Variants in CGGBP1 observed in about 807,000 individuals in gnomAD.
CGGBP1 encodes CGG triplet repeat-binding protein 1.
A neutral mutation model predicts 11.4 loss-of-function variants in CGGBP1; 4 were observed. The observed-to-expected ratio is 0.35, with a 90% CI of 0.17 to 0.80. CGGBP1 has a LOEUF of 0.80. CGGBP1 is among the 30% of genes least tolerant of loss of function. The pLI is 0.52. For missense variants in CGGBP1, 135 were observed against 202.1 expected (o/e 0.67, Z 2.01); for synonymous variants, 76 against 74.1 (o/e 1.03, Z -0.13).
chr3:88,141,204 A>C (rs1162520400), intron 1 of CGGBP1: 14 of 805,780 alleles, frequency 1.7e-5, no homozygotes, highest in Non-Finnish European at 2.4e-5. Flanking sequence ...ACATACAACC[A>C]CTATGAGGTG....
chr3:88,094,182 A>G (rs937269525), intron 2 of CGGBP1, among the ~76,000 whole-genome samples: 3 of 150,012 alleles, frequency 2.0e-5, no homozygotes, highest in East Asian at 1.9e-4. Context: ...GTTCTTCCCT[A>G]TTACACTAGA....
At chr3:88,103,054 C>A (rs4276211) in intron 2 of CGGBP1, among the ~76,000 whole-genome samples, 118,975 of 151,856 alleles carry the variant, frequency 0.78, 47,514 homozygotes, top group South Asian at 0.91. Flanking sequence ...TTTAGCTCCC[C>A]CTTATAAGTG....
chr3:88,116,559 T>TACACACACACACAC (rs140401038), intron 2 of CGGBP1, among the ~76,000 whole-genome samples: 4,457 of 146,604 alleles, frequency 0.03, 175 homozygotes, highest in African/African-American at 0.096. Flanking sequence ...CATACATATA[T>TACACACACACACAC]ATACACACAC....
intron 2 of CGGBP1, among the ~76,000 whole-genome samples, chr3:88,064,789 C>G (rs1012685147): frequency 6.6e-6 from 1 of 152,102 alleles, no homozygotes; most frequent in African/African-American, 2.4e-5. Flanking sequence ...GTGGAGTTTT[C>G]AAGTAGGATC....
rs186638222 is a variant in CGGBP1 at position 88,128,978 on chromosome 3, T to C, written c.-229+11992A>G. On this transcript the variant is annotated intron_variant, in intron 2 of 3. Transcript: ENST00000462901. The stretch of plus-strand genomic sequence containing the variant: ...ATCAAGCACTCTTCACATGTCTGTT[T>C]ATGTCACCTGTAGAAGATCAGCTAT... 11 of 1,535,002 alleles carry C rather than the reference T, an allele frequency of 7.2e-6. No individual in the cohort carries two copies. The Admixed American group carries it at 2.2e-4, about 30-fold the overall frequency.
chr3:88,092,878 T>G lies in CGGBP1; in HGVS notation c.-228-34655A>C, dbSNP rs73844866. Among the ~76,000 whole-genome samples, 463 of 152,306 alleles carry G rather than the reference T, an allele frequency of 3.0e-3. 3 individuals are homozygous for G. The highest frequency in any genetic ancestry group is 0.011 in the African/African-American group (445 of 41,576). ...ATGTATTGATCTGCCTTCTATCAGCTGGGACACTTGAAAATTAGAGTTTTG... is the reference window on the plus strand; with the variant it reads ...ATGTATTGATCTGCCTTCTATCAGCGGGGACACTTGAAAATTAGAGTTTTG... On this transcript the variant is annotated intron_variant, in intron 2 of 3. Transcript: ENST00000462901.
chr3:88,097,118 C>T (rs557564306), intron 2 of CGGBP1, among the ~76,000 whole-genome samples: 1 of 152,164 alleles, frequency 6.6e-6, no homozygotes, highest in South Asian at 2.1e-4. Flanking sequence ...ATCAACAACC[C>T]TTTAATGAAT....
intron 2 of CGGBP1, among the ~76,000 whole-genome samples, chr3:88,128,516 A>T (rs1167836993): frequency 4.6e-5 from 7 of 152,100 alleles, no homozygotes; most frequent in Non-Finnish European, 8.8e-5. Context: ...ATTTTAACAT[A>T]TTAATGAACT....
chr3:88,131,279 G>T (rs139769338), intron 2 of CGGBP1, among the ~76,000 whole-genome samples: 4 of 152,118 alleles, frequency 2.6e-5, no homozygotes, highest in Non-Finnish European at 5.9e-5. Flanking sequence ...TGTTGTATAC[G>T]CAGTCTTCTG....
chr3:88,059,214 G>C (rs1706685274), upstream of CGGBP1: 1 of 1,480,734 alleles, frequency 6.8e-7, no homozygotes, highest in Non-Finnish European at 8.9e-7. Context: ...TCCGGCTAGG[G>C]AGGAGGGAAG....
At chr3:88,129,688 A>G in intron 2 of CGGBP1, 4 of 1,473,472 alleles carry the variant, frequency 2.7e-6, no homozygotes, top group South Asian at 1.3e-5. Flanking sequence ...CTCTTACAGC[A>G]TTTATTGAAA....
At chr3:88,059,325 G>C, upstream of CGGBP1, 1 of 1,534,210 alleles carries the variant, frequency 6.5e-7, no homozygotes, top group Non-Finnish European at 8.7e-7. Flanking sequence ...GCCTCATGGC[G>C]GAGGAAGAGA....
Position 88,055,380 on chromosome 3 carries a change from T to C in CGGBP1, c.*93A>G. On this transcript the variant is annotated 3_prime_UTR_variant, in exon 4 of 4. Transcript: ENST00000482016. This position sits in a 1 kb window ranked among gnomAD's most constrained non-coding sequence, Gnocchi z 4.2. ...CAAAACTATTCTGCGTCACATGATT[T>C]TAAATGAAATAAATACAAAAATGAA... is the stretch of plus-strand genomic sequence containing the variant. 1 of 1,256,066 alleles carries C rather than the reference T, an allele frequency of 8.0e-7. No individual in the cohort carries two copies. Among genetic ancestry groups the C allele is most frequent in the Non-Finnish European group, 1.1e-6 (1 of 919,392 alleles). The allele number at this position is 1,256,066 out of a possible 1,614,324, so 77.8% of individuals were successfully genotyped here.
At chr3:88,107,574 T>C (rs1158576759) in intron 2 of CGGBP1, among the ~76,000 whole-genome samples, 1 of 152,184 alleles carries the variant, frequency 6.6e-6, no homozygotes, top group Non-Finnish European at 1.5e-5. Context: ...AGTTAATGTC[T>C]TTGCCACATT....
chr3:88,147,795 A>T (rs1707336063), intron 1 of CGGBP1, among the ~76,000 whole-genome samples: 1 of 152,148 alleles, frequency 6.6e-6, no homozygotes, highest in Non-Finnish European at 1.5e-5. Context: ...GGGGACATGT[A>T]ACAATGTCTG....
At chr3:88,076,450 T>C (rs998872124) in intron 2 of CGGBP1, among the ~76,000 whole-genome samples, 22 of 152,310 alleles carry the variant, frequency 1.4e-4, no homozygotes, top group African/African-American at 5.3e-4. Flanking sequence ...CTGTCTAGTC[T>C]AGCCTCTAAG....
At chr3:88,099,021 G>T (rs1165606204) in intron 2 of CGGBP1, among the ~76,000 whole-genome samples, 1 of 151,982 alleles carries the variant, frequency 6.6e-6, no homozygotes, top group African/African-American at 2.4e-5. Context: ...AGGGTATTCA[G>T]TTAGGAAAAG....
intron 2 of CGGBP1, among the ~76,000 whole-genome samples, chr3:88,073,924 A>G (rs1158597855): frequency 6.6e-6 from 1 of 152,212 alleles, no homozygotes; most frequent in African/African-American, 2.4e-5. Context: ...CTCAGTACTT[A>G]AGAGTATACG....
chr3:88,115,042 A>G (rs1421153097), intron 2 of CGGBP1, among the ~76,000 whole-genome samples: 1 of 152,212 alleles, frequency 6.6e-6, no homozygotes, highest in Non-Finnish European at 1.5e-5. Context: ...ATACCAGCAT[A>G]AGATGGTGTT....
Sources: gnomAD v4.1 joint callset for allele counts (sites outside exome capture counted in the v4.1 genomes callset) on GRCh38, gnomAD v4.1.1 for gene constraint, Gnocchi (gnomAD v3.1) non-coding constraint, MANE v1.5 for transcripts, NCBI Gene and HGNC (gene_info 2026-07-23, HGNC 2026-07-21) for gene names.